NCKAP5: variants seen among roughly 807,000 people sequenced by gnomAD.
NCKAP5 encodes the protein nck-associated protein 5.
NCKAP5 carries 92 observed loss-of-function variants against 167.0 expected under a neutral mutation model. The observed-to-expected ratio is 0.55, with a 90% CI of 0.47 to 0.66. NCKAP5 has a LOEUF of 0.66. Ranked by LOEUF, NCKAP5 falls within the 30% of genes least tolerant of loss-of-function variation. The probability of loss-of-function intolerance (pLI) is 0.00; values close to 1 mark genes in which losing one functional copy is unlikely to be tolerated. For synonymous variants in NCKAP5, 891 were observed against 877.4 expected, an observed-to-expected ratio of 1.02 and a Z score of -0.27; for missense variants, 2,378 against 2,315.0, an observed-to-expected ratio of 1.03 and a Z score of -0.56.
At chr2:132,893,435 T>C (rs1358231875) in intron 8 of NCKAP5, among the ~76,000 whole-genome samples, 5 of 152,324 alleles carry the variant, frequency 3.3e-5, no homozygotes, top group African/African-American at 1.2e-4. Flanking sequence ...GAATAATTTT[T>C]ATTAATCAAT....
intron 8 of NCKAP5, among the ~76,000 whole-genome samples, chr2:132,942,809 C>T (rs1004970684): frequency 6.6e-6 from 1 of 152,296 alleles, no homozygotes; most frequent in East Asian, 1.9e-4. Context: ...TTCACCAGGC[C>T]AAAGTAATCA....
chr2:133,262,486 C>T (rs1273174657), intron 4 of NCKAP5, among the ~76,000 whole-genome samples: 1 of 152,176 alleles, frequency 6.6e-6, no homozygotes, highest in Non-Finnish European at 1.5e-5. Context: ...CTTCTTAAAG[C>T]ACTTTGTAGG....
chr2:132,982,609 A>G (rs887386804), intron 7 of NCKAP5, among the ~76,000 whole-genome samples: 1 of 152,216 alleles, frequency 6.6e-6, no homozygotes, highest in Non-Finnish European at 1.5e-5. Flanking sequence ...GACTGATCCC[A>G]TCACCTAGGT....
intron 16 of NCKAP5, among the ~76,000 whole-genome samples, chr2:132,750,781 G>A (rs972308331): frequency 3.3e-5 from 5 of 152,188 alleles, no homozygotes; most frequent in African/African-American, 1.2e-4. Flanking sequence ...AGCTAAGAGA[G>A]CTTCAGGATA....
At chr2:133,402,558 G>A (rs992120248) in intron 3 of NCKAP5, among the ~76,000 whole-genome samples, 1 of 152,170 alleles carries the variant, frequency 6.6e-6, no homozygotes, top group Non-Finnish European at 1.5e-5. Flanking sequence ...GGTGGGCCTA[G>A]TGGGAGGTGT....
At chr2:133,036,075 G>T (rs2149439749) in intron 6 of NCKAP5, among the ~76,000 whole-genome samples, 1 of 151,842 alleles carries the variant, frequency 6.6e-6, no homozygotes, top group South Asian at 2.1e-4. Context: ...GAAAAATCTA[G>T]AAGAAATGGA....
At chr2:133,293,726 G>A (rs1351063865) in intron 4 of NCKAP5, among the ~76,000 whole-genome samples, 2 of 152,180 alleles carry the variant, frequency 1.3e-5, no homozygotes, top group African/African-American at 4.8e-5. Flanking sequence ...AATTTCGAGA[G>A]CCCTGGTTTC....
intron 8 of NCKAP5, among the ~76,000 whole-genome samples, chr2:132,903,354 C>T (rs922472445): frequency 6.6e-6 from 1 of 152,222 alleles, no homozygotes; most frequent in African/African-American, 2.4e-5. Flanking sequence ...ATTTCCAACA[C>T]TGCAGAAAGT....
chr2:133,465,076 T>A (rs1692466189), intron 3 of NCKAP5, among the ~76,000 whole-genome samples: 2 of 151,938 alleles, frequency 1.3e-5, no homozygotes, highest in Admixed American at 1.3e-4. Context: ...GTTACATATG[T>A]ATACATGTGC....
At chr2:133,261,883 G>A (rs189135563) in intron 4 of NCKAP5, among the ~76,000 whole-genome samples, 42 of 152,204 alleles carry the variant, frequency 2.8e-4, no homozygotes, top group African/African-American at 8.9e-4. Context: ...TAATACCCAG[G>A]AATGCCAATG....
chr2:133,163,513 TCAGCACCAAGTCAGGA>T (rs1234002530), intron 5 of NCKAP5, among the ~76,000 whole-genome samples: 1 of 152,226 alleles, frequency 6.6e-6, no homozygotes, highest in Non-Finnish European at 1.5e-5. Context: ...ACTGTTGTTA[TCAGCACCAAGTCAGGA>T]CAGCTTTATA....
rs1254977486 is a variant in NCKAP5 at position 132,920,777 on chromosome 2, A to ATGTATGTGTG, written c.580-41862_580-41861insCACACATACA. Among the ~76,000 whole-genome samples, 29 of 13,848 alleles carry ATGTATGTGTG rather than the reference A, an allele frequency of 2.1e-3. 1 individual carries two copies. Among genetic ancestry groups the ATGTATGTGTG allele is most frequent in the African/African-American group, 5.6e-3 (26 of 4,634 alleles). The allele number at this position is 13,848 out of a possible 152,430, so 9.1% of individuals were successfully genotyped here. A position where few individuals can be genotyped will look rare whatever the true frequency, so the allele number is the denominator to read the frequency against. On this transcript the variant is annotated intron_variant, in intron 8 of 19. Transcript: ENST00000409261. Reference sequence around the variant, plus strand: ...TATATGTATATATATGTATGTATATATATATATATATATATATATATATAT... The same window carrying ATGTATGTGTG: ...TATATGTATATATATGTATGTATATATGTATGTGTGTATATATATATATATATATATATAT...
intron 7 of NCKAP5, among the ~76,000 whole-genome samples, chr2:132,980,540 G>A (rs1573624004): frequency 6.6e-6 from 1 of 152,128 alleles, no homozygotes; most frequent in East Asian, 1.9e-4. Context: ...AAAAGATCAA[G>A]TCCACTCCCA....
At chr2:133,457,466 A>G (rs1308409803) in intron 3 of NCKAP5, among the ~76,000 whole-genome samples, 1 of 152,176 alleles carries the variant, frequency 6.6e-6, no homozygotes, top group Admixed American at 6.5e-5. Flanking sequence ...ATGGCAATGC[A>G]GCCTTAATCT....
At chr2:132,692,815 GT>G (rs140145365) in intron 19 of NCKAP5, among the ~76,000 whole-genome samples, 3,601 of 152,286 alleles carry the variant, frequency 0.024, 144 homozygotes, top group African/African-American at 0.081. Flanking sequence ...ACTGTGGCCA[GT>G]GAGAAATTCT....
rs12611515 is a variant in NCKAP5, at chr2:132,784,002, C to T, written c.2809G>A (p.Val937Ile). ...TAGCTGGGCCTGGCCAGCAGGGAGACGGACCTGCCTGGAGGGGGCGGAGGG... is the reference window on the plus strand; with the variant it reads ...TAGCTGGGCCTGGCCAGCAGGGAGATGGACCTGCCTGGAGGGGGCGGAGGG... ...PSPPPPPGRSVSLLARPSYDY... is the reference protein window; with the variant it reads ...PSPPPPPGRSISLLARPSYDY... Residue 937 changes from valine (V) to isoleucine (I), a missense_variant, in exon 14 of 20, where the codon GTC (valine) becomes ATC (isoleucine). Val to Ile is a conservative substitution (Grantham distance 29, BLOSUM62 3). Around this residue, in one of 3 missense-constraint regions of NCKAP5, gnomAD observed 1,325 missense variants for 1,274.5 expected, o/e 1.04. Coordinates refer to ENST00000409261, the MANE Select transcript of NCKAP5 (RefSeq NM_207363.3). 469,914 of 1,584,742 alleles carry T rather than the reference C, an allele frequency of 0.3. 72,144 individuals carry two copies. The highest frequency in any genetic ancestry group is 0.46 in the East Asian group (20,385 of 44,418).
intron 11 of NCKAP5, among the ~76,000 whole-genome samples, chr2:132,812,293 GA>G (rs1387286119): frequency 6.6e-6 from 1 of 152,214 alleles, no homozygotes; most frequent in Non-Finnish European, 1.5e-5. Context: ...CCTCCGTGAT[GA>G]AGGTGATATG....
At chr2:133,598,101 A>C in the NCKAP5 span, among the ~76,000 whole-genome samples, 1 of 152,212 alleles carries the variant, frequency 6.6e-6, no homozygotes, top group African/African-American at 2.4e-5. Flanking sequence ...GTTATCCTCA[A>C]GTGAGTTATT....
At chr2:132,876,309 A>T (rs1691269801) in intron 9 of NCKAP5, among the ~76,000 whole-genome samples, 1 of 151,968 alleles carries the variant, frequency 6.6e-6, no homozygotes, top group South Asian at 2.1e-4. Context: ...TGTTGCCCAG[A>T]CCGGTCTTAA....
Sources: allele counts gnomAD v4.1 joint callset (sites outside exome capture counted in the v4.1 genomes callset), GRCh38; gene constraint gnomAD v4.1.1; regional missense constraint gnomAD v4.1.1; transcripts MANE v1.5; gene names NCBI Gene and HGNC (gene_info 2026-07-23, HGNC 2026-07-21).